Variants in ADAM10 observed in about 807,000 individuals in gnomAD.
ADAM10 encodes the protein disintegrin and metalloproteinase domain-containing protein 10.
ADAM10 carries 17 observed loss-of-function variants against 90.1 expected under a neutral mutation model. The observed-to-expected ratio is 0.19, with a 90% CI of 0.13 to 0.28. The LOEUF (loss-of-function observed/expected upper bound fraction) is 0.28. Ranked by LOEUF, ADAM10 falls within the 10% of genes least tolerant of loss-of-function variation. The pLI, the probability that ADAM10 is intolerant of heterozygous loss-of-function variation, is 1.00. For synonymous variants in ADAM10, 310 were observed against 298.6 expected (o/e 1.04, Z -0.40); for missense variants, 610 against 914.3 (o/e 0.67, Z 4.29).
At chr15:58,676,576 G>A (rs1182280874) in intron 4 of ADAM10, among the ~76,000 whole-genome samples, 1 of 151,942 alleles carries the variant, frequency 6.6e-6, no homozygotes, top group Non-Finnish European at 1.5e-5. Context: ...AATGGTTAAA[G>A]AAAAAATCAA....
intron 1 of ADAM10, among the ~76,000 whole-genome samples, chr15:58,736,794 A>G (rs1899444754): frequency 6.6e-6 from 1 of 152,148 alleles, no homozygotes; most frequent in Non-Finnish European, 1.5e-5. Flanking sequence ...TGCCAGAAGA[A>G]TAACTAGATT....
chr15:58,611,708 A>G, intron 12 of ADAM10, 100 bp downstream of exon 12: 1 of 1,162,146 alleles, frequency 8.6e-7, no homozygotes, highest in Non-Finnish European at 1.2e-6. Flanking sequence ...AACAGAGACC[A>G]AGATTAATTA....
Position 58,621,770 on chromosome 15 carries a change from A to T in ADAM10, c.1361-149T>A, listed in dbSNP as rs189208164. 4.6e-3 allele frequency: 4,524 copies of T among 987,814 alleles called. 21 individuals are homozygous for T. Among genetic ancestry groups the T allele is most frequent in the Non-Finnish European group, 5.7e-3 (3,728 of 657,786 alleles). 61.2% of individuals were successfully genotyped at this position (987,814 alleles called of 1,614,324 possible). On this transcript the variant is annotated intron_variant, in intron 10 of 15. Coordinates refer to ENST00000260408, the MANE Select transcript of ADAM10 (RefSeq NM_001110.4). ...AAACTAGGAATCTGGAAATTACGAG[A>T]CCTAATTCTAACAGGGGGTCTGCTA...
chr15:58,625,841 G>A (rs538214247), intron 10 of ADAM10, among the ~76,000 whole-genome samples: 3 of 152,254 alleles, frequency 2.0e-5, no homozygotes, highest in African/African-American at 4.8e-5. Flanking sequence ...ACGAACTATT[G>A]ATAAAGGCAA....
intron 4 of ADAM10, chr15:58,676,387 A>T (rs1377771333): frequency 2.3e-5 from 10 of 438,910 alleles, no homozygotes; most frequent in South Asian, 1.5e-4. Flanking sequence ...ATACACTGTC[A>T]GGTATATATT....
At chr15:58,714,354 A>C (rs1898584568) in intron 2 of ADAM10, among the ~76,000 whole-genome samples, 1 of 151,820 alleles carries the variant, frequency 6.6e-6, no homozygotes, top group Non-Finnish European at 1.5e-5. Context: ...CCAGAAATGT[A>C]AGTCACAACT....
At chr15:58,726,362 C>T (rs186539549) in intron 1 of ADAM10, among the ~76,000 whole-genome samples, 1 of 151,458 alleles carries the variant, frequency 6.6e-6, no homozygotes, top group African/African-American at 2.4e-5. Context: ...GCGAGGAGTT[C>T]GAGACCAGCC....
chr15:58,632,712 G>T (rs1321887360), intron 9 of ADAM10, among the ~76,000 whole-genome samples: 1 of 151,972 alleles, frequency 6.6e-6, no homozygotes, highest in Non-Finnish European at 1.5e-5. Context: ...TCATTCCACG[G>T]TAGAGAAAAT....
At chr15:58,713,558 G>A (rs1385111165) in intron 2 of ADAM10, among the ~76,000 whole-genome samples, 1 of 152,146 alleles carries the variant, frequency 6.6e-6, no homozygotes, top group East Asian at 1.9e-4. Flanking sequence ...CATATATACA[G>A]CATTGCTAAG....
intron 1 of ADAM10, among the ~76,000 whole-genome samples, chr15:58,728,409 T>C (rs1324785851): frequency 6.6e-6 from 1 of 152,150 alleles, no homozygotes; most frequent in Admixed American, 6.6e-5. Flanking sequence ...TTATTGTATG[T>C]AAACTATACC....
At chr15:58,636,730 C>CA (rs1380375653) in intron 8 of ADAM10, among the ~76,000 whole-genome samples, 1 of 151,898 alleles carries the variant, frequency 6.6e-6, no homozygotes, top group Non-Finnish European at 1.5e-5. Context: ...ACCCCACCCC[C>CA]CAAAAAAAAG....
At chr15:58,713,691 T>C (rs572696919) in intron 2 of ADAM10, among the ~76,000 whole-genome samples, 1 of 152,224 alleles carries the variant, frequency 6.6e-6, no homozygotes, top group Admixed American at 6.5e-5. Flanking sequence ...AACAGTTTAA[T>C]CTTCTAGTAA....
intron 5 of ADAM10, among the ~76,000 whole-genome samples, chr15:58,656,167 T>C (rs1470174719): frequency 6.6e-6 from 1 of 152,216 alleles, no homozygotes; most frequent in Admixed American, 6.5e-5. Context: ...GGAATATCTT[T>C]TTCCACCATT....
chr15:58,702,083 G>A (rs1898151047), intron 2 of ADAM10, among the ~76,000 whole-genome samples: 1 of 152,094 alleles, frequency 6.6e-6, no homozygotes, highest in Non-Finnish European at 1.5e-5. Flanking sequence ...TCCAGACTGG[G>A]CAACAGAGCG....
chr15:58,722,542 A>G (rs1268921142), intron 1 of ADAM10, among the ~76,000 whole-genome samples: 1 of 150,960 alleles, frequency 6.6e-6, no homozygotes, highest in African/African-American at 2.4e-5. Context: ...CAAAAAAAAA[A>G]AAAAGAAAAG....
chr15:58,622,439 G>T (rs1385594487), intron 10 of ADAM10, among the ~76,000 whole-genome samples: 1 of 152,074 alleles, frequency 6.6e-6, no homozygotes, highest in East Asian at 1.9e-4. Flanking sequence ...ACGTGTAATA[G>T]ATTTCTCCAT....
chr15:58,674,467 A>C (rs1267438462), intron 4 of ADAM10, among the ~76,000 whole-genome samples: 1 of 152,228 alleles, frequency 6.6e-6, no homozygotes. Flanking sequence ...GCAGATTTCC[A>C]ATCTCCAGAC....
intron 4 of ADAM10, among the ~76,000 whole-genome samples, chr15:58,678,253 A>G (rs1897340128): frequency 6.6e-6 from 1 of 152,200 alleles, no homozygotes; most frequent in African/African-American, 2.4e-5. Flanking sequence ...GGACAGATGA[A>G]GTACAAAAAC....
intron 1 of ADAM10, among the ~76,000 whole-genome samples, chr15:58,742,438 A>G (rs1899646053): frequency 6.6e-6 from 1 of 152,222 alleles, no homozygotes; most frequent in South Asian, 2.1e-4. Flanking sequence ...CTCTGTTGCC[A>G]ACATTACATA....
Sources: gnomAD v4.1 joint callset for allele counts (sites outside exome capture counted in the v4.1 genomes callset) on GRCh38, gnomAD v4.1.1 for gene constraint, MANE v1.5 for transcripts, NCBI Gene and HGNC (gene_info 2026-07-23, HGNC 2026-07-21) for gene names.